Variants in NIPA2 observed in about 807,000 individuals in gnomAD.
NIPA2 encodes magnesium transporter NIPA2.
Under a neutral mutation model 29.7 loss-of-function variants are expected in NIPA2, and 11 were observed. That is an observed-to-expected ratio of 0.37 (90% CI 0.23 to 0.61). The LOEUF is 0.61. NIPA2 is among the 20% of genes least tolerant of loss of function. NIPA2 has a pLI of 0.66. For missense variants in NIPA2, 426 were observed against 437.9 expected, an observed-to-expected ratio of 0.97 and a Z score of 0.24; for synonymous variants, 183 against 161.9, an observed-to-expected ratio of 1.13 and a Z score of -0.99.
chr15:22,867,358 T>C lies in NIPA2; in HGVS notation c.*511T>C. The C allele has an allele frequency of 2.5e-6, 1 of 394,396 alleles. No homozygotes were observed. Among genetic ancestry groups the C allele is most frequent in the Admixed American group, 4.4e-5 (1 of 22,644 alleles). 24.4% of individuals were successfully genotyped at this position (394,396 alleles called of 1,614,324 possible). On this transcript the variant is annotated 3_prime_UTR_variant, in exon 8 of 8. Transcript: ENST00000337451. ...AAATATTTATTAAGGGAAAACTAAG[T>C]TACTGAATGAAGGAACCTCTTTCTT... is the stretch of plus-strand genomic sequence containing the variant.
intron 2 of NIPA2, among the ~76,000 whole-genome samples, chr15:22,843,143 C>G (rs1429296317): frequency 1.3e-5 from 2 of 152,074 alleles, no homozygotes; most frequent in African/African-American, 4.8e-5. Flanking sequence ...CTGAGATTGG[C>G]AGAGATGAGG....
Position 22,853,374 on chromosome 15 carries a change from CT to C in NIPA2, c.196+123del, listed in dbSNP as rs35568106. 58,241 of 377,258 alleles carry C rather than the reference CT, an allele frequency of 0.15. 197 individuals are homozygous for C. Among genetic ancestry groups the C allele is most frequent in the East Asian group, 0.28 (5,554 of 19,956 alleles). The allele number at this position is 377,258 out of a possible 1,614,324, so 23.4% of individuals were successfully genotyped here. On this transcript the variant is annotated intron_variant, in intron 5 of 7. Coordinates refer to ENST00000337451, the MANE Select transcript of NIPA2 (RefSeq NM_030922.7). Reference sequence around the variant, plus strand: ...AGCAAGTTTTAAAGGTTTAAATAATCTTTTTTTTTTTTTTTTTGAGACAGAG... The same window carrying C: ...AGCAAGTTTTAAAGGTTTAAATAATCTTTTTTTTTTTTTTTTGAGACAGAG...
chr15:22,860,731 T>C lies in NIPA2; in HGVS notation c.390T>C (p.Ala130=). The C allele has an allele frequency of 6.2e-7, 1 of 1,604,206 alleles. No individual in the cohort carries two copies. The highest frequency in any genetic ancestry group is 8.5e-7 in the Non-Finnish European group (1 of 1,176,836). Residue 130 remains alanine (A), a synonymous_variant, in exon 7 of 8, where the codon GCT becomes GCC. Coordinates refer to ENST00000337451, the MANE Select transcript of NIPA2 (RefSeq NM_030922.7). ...GATCTACAGTTATGGTCATTCATGC[T>C]CCAAAGGAAGAGGAGATTGAGACTT... ...ILGSTVMVIH[A]PKEEEIETLN...
intron 2 of NIPA2, among the ~76,000 whole-genome samples, chr15:22,840,551 C>T (rs1448090419): frequency 6.6e-6 from 1 of 151,396 alleles, no homozygotes; most frequent in East Asian, 2.0e-4. Flanking sequence ...CCGCCCGCCT[C>T]GACCCCCCAA....
intron 2 of NIPA2, among the ~76,000 whole-genome samples, chr15:22,840,683 CTT>C (rs774227158): frequency 2.0e-5 from 3 of 152,128 alleles, no homozygotes; most frequent in Admixed American, 6.5e-5. Context: ...GCATGTGACT[CTT>C]TTTTACCCCT....
chr15:22,862,049 CTTT>C (rs57513456), intron 7 of NIPA2, among the ~76,000 whole-genome samples: 3 of 103,948 alleles, frequency 2.9e-5, no homozygotes, highest in East Asian at 3.8e-4. Context: ...ATGGGTCTCT[CTTT>C]TTTTTTTTTT....
chr15:22,845,765 G>A (rs1274397773), intron 3 of NIPA2, among the ~76,000 whole-genome samples: 2 of 152,048 alleles, frequency 1.3e-5, no homozygotes, highest in Non-Finnish European at 2.9e-5. Context: ...AGGGGTGCCT[G>A]GCCAGGGGGA....
At chr15:22,864,367 G>A (rs1429194524) in intron 7 of NIPA2, among the ~76,000 whole-genome samples, 2 of 152,116 alleles carry the variant, frequency 1.3e-5, no homozygotes, top group Non-Finnish European at 2.9e-5. Flanking sequence ...TGTTAGCCAG[G>A]ATGGTCTCGA....
intron 7 of NIPA2, among the ~76,000 whole-genome samples, chr15:22,865,258 G>A (rs1595432242): frequency 6.6e-6 from 1 of 151,866 alleles, no homozygotes; most frequent in African/African-American, 2.4e-5. Flanking sequence ...AGGCCAGAGC[G>A]GGTGGATCAC....
chr15:22,866,166 GAAC>G (rs771417469), intron 7 of NIPA2, 44 bp from the exon 8 acceptor site: 38 of 1,524,850 alleles, frequency 2.5e-5, no homozygotes, highest in Non-Finnish European at 3.3e-5. Flanking sequence ...CTGTGTTTAA[GAAC>G]AACCAACCAT....
intron 3 of NIPA2, among the ~76,000 whole-genome samples, chr15:22,846,414 A>G (rs1262799000): frequency 6.6e-6 from 1 of 152,202 alleles, no homozygotes; most frequent in African/African-American, 2.4e-5. Context: ...GTTAGACCTT[A>G]CACCACATGT....
intron 6 of NIPA2, among the ~76,000 whole-genome samples, chr15:22,859,586 C>G (rs561803431): frequency 5.9e-5 from 9 of 152,312 alleles, no homozygotes; most frequent in Middle Eastern, 3.4e-3. Flanking sequence ...GCCACTGTGC[C>G]CGGCCAATGA....
At position 22,866,439 on chromosome 15, in the gene NIPA2, C is replaced by G; in HGVS notation, c.675C>G (p.Leu225=). 6.2e-7 allele frequency: 1 copy of G among 1,614,164 alleles called. No individual in the cohort carries two copies. Among genetic ancestry groups the G allele is most frequent in the Non-Finnish European group, 8.5e-7 (1 of 1,180,018 alleles). ...HPLAWILLLS[L]IVCVSTQINY... is the part of the protein sequence containing the mutation. ...TGGCTTGGATTCTGCTGCTGAGCCT[C>G]ATCGTCTGTGTGAGCACACAGATTA... The change falls in exon 8 of 8, where the codon CTC becomes CTG. Residue 225 remains leucine (L), a synonymous_variant. Transcript: ENST00000337451.
Position 22,867,464 on chromosome 15 carries a change from T to A in NIPA2, c.*617T>A. ...TGATCACCGTGAATCCGGCTTCCTCTGAGCATTCGATGGCCTTAGCACCTC... is the reference window on the plus strand; with the variant it reads ...TGATCACCGTGAATCCGGCTTCCTCAGAGCATTCGATGGCCTTAGCACCTC... On this transcript the variant is annotated 3_prime_UTR_variant, in exon 8 of 8. Coordinates refer to ENST00000337451, the MANE Select transcript of NIPA2 (RefSeq NM_030922.7). The A allele has an allele frequency of 3.0e-6, 1 of 336,432 alleles. No homozygotes were observed. The highest frequency in any genetic ancestry group is 5.3e-6 in the Non-Finnish European group (1 of 188,432). The allele number at this position is 336,432 out of a possible 1,614,324, so 20.8% of individuals were successfully genotyped here. A position where few individuals can be genotyped will look rare whatever the true frequency, so the allele number is the denominator to read the frequency against.
At chr15:22,864,793 C>T (rs773934367) in intron 7 of NIPA2, among the ~76,000 whole-genome samples, 10 of 152,172 alleles carry the variant, frequency 6.6e-5, no homozygotes, top group South Asian at 4.1e-4. Context: ...TGTAGGATTC[C>T]GCTTTCTTGG....
rs905918107 is a variant in NIPA2 at position 22,838,719 on chromosome 15, C to G, written c.-554C>G. 1 of 152,538 alleles carries G rather than the reference C, an allele frequency of 6.6e-6. No homozygotes were observed. The highest frequency in any genetic ancestry group is 2.4e-5 in the African/African-American group (1 of 41,476). The allele number at this position is 152,538 out of a possible 1,614,324, so 9.4% of individuals were successfully genotyped here. Reference sequence around the variant, plus strand: ...TGGTGACGGCGGTGCCGGAGGTTGTCCTTGGCAGGTTTTCCTCGGCGCTTC... The same window carrying G: ...TGGTGACGGCGGTGCCGGAGGTTGTGCTTGGCAGGTTTTCCTCGGCGCTTC... On this transcript the variant is annotated 5_prime_UTR_variant, in exon 1 of 8. Coordinates refer to ENST00000337451, the MANE Select transcript of NIPA2 (RefSeq NM_030922.7).
intron 3 of NIPA2, among the ~76,000 whole-genome samples, chr15:22,845,892 A>G (rs1263129040): frequency 1.3e-5 from 2 of 152,192 alleles, no homozygotes; most frequent in African/African-American, 4.8e-5. Flanking sequence ...AAAGGGGAAA[A>G]TAGATTTTAA....
chr15:22,851,297 A>T (rs775900351), intron 3 of NIPA2, among the ~76,000 whole-genome samples: 7 of 152,202 alleles, frequency 4.6e-5, no homozygotes, highest in Non-Finnish European at 7.3e-5. Flanking sequence ...AACCTGATAA[A>T]TGTATTTCCA....
intron 2 of NIPA2, among the ~76,000 whole-genome samples, chr15:22,844,050 A>G (rs1418539850): frequency 1.3e-5 from 2 of 152,156 alleles, no homozygotes; most frequent in African/African-American, 4.8e-5. Context: ...TTGCCTACTG[A>G]TAATCATTTT....
Sources: gnomAD v4.1 joint callset for allele counts (sites outside exome capture counted in the v4.1 genomes callset) on GRCh38, gnomAD v4.1.1 for gene constraint, MANE v1.5 for transcripts, NCBI Gene and HGNC (gene_info 2026-07-23, HGNC 2026-07-21) for gene names.